DNAJC13: variants seen among roughly 807,000 people sequenced by gnomAD.
DNAJC13 encodes dnaJ homolog subfamily C member 13.
Under a neutral mutation model 290.5 loss-of-function variants are expected in DNAJC13, and 75 were observed. The ratio of observed to expected loss-of-function variants is 0.26; its 90% confidence interval spans 0.21 to 0.31. The LOEUF is 0.31. DNAJC13 is among the 10% of genes least tolerant of loss of function. The pLI is 1.00. For synonymous variants in DNAJC13, 862 were observed against 892.0 expected (o/e 0.97, Z 0.60); for missense variants, 2,260 against 2,674.5 (o/e 0.85, Z 3.42).
At chr3:132,458,592 A>G (rs1246154378) in intron 13 of DNAJC13, among the ~76,000 whole-genome samples, 1 of 152,136 alleles carries the variant, frequency 6.6e-6, no homozygotes, top group East Asian at 1.9e-4. Flanking sequence ...CCTGTCTGCA[A>G]GGGTTTTAGG....
chr3:132,499,352 C>A (rs2088712), intron 37 of DNAJC13, 42 bp downstream of exon 37: 1 of 1,495,148 alleles, frequency 6.7e-7, no homozygotes, highest in South Asian at 1.3e-5. Flanking sequence ...CCAGTTTACA[C>A]ACATTATATG....
intron 35 of DNAJC13, 64 bp from the exon 36 acceptor site, chr3:132,496,464 T>C (rs984075038): frequency 2.8e-6 from 4 of 1,409,214 alleles, no homozygotes; most frequent in African/African-American, 2.9e-5. Context: ...AAACCATATG[T>C]CTTGTTTAAG....
chr3:132,502,615 C>G, intron 40 of DNAJC13, 147 bp downstream of exon 40: 2 of 677,500 alleles, frequency 3.0e-6, no homozygotes, highest in Non-Finnish European at 4.5e-6. Context: ...AACCTAATCA[C>G]TTACTTACAA....
intron 1 of DNAJC13, among the ~76,000 whole-genome samples, chr3:132,429,779 C>A (rs925470015): frequency 2.0e-5 from 3 of 152,108 alleles, no homozygotes; most frequent in Non-Finnish European, 4.4e-5. Flanking sequence ...CCCTCCCTTA[C>A]CTCTCAGATA....
chr3:132,424,176 A>G (rs1311598854), intron 1 of DNAJC13, among the ~76,000 whole-genome samples: 3 of 152,188 alleles, frequency 2.0e-5, no homozygotes, highest in Non-Finnish European at 4.4e-5. Context: ...GTTTCTGGAA[A>G]GAAAGCTTTC....
Position 132,502,417 on chromosome 3 carries a change from C to T in DNAJC13, c.4665C>T (p.Asp1555=), listed in dbSNP as rs145557412. ...WYLLGFLFNY[D]YTLEESGIQK... is the part of the protein sequence containing the mutation. Reference sequence around the variant, plus strand: ...TCCTTGGTTTTCTGTTTAATTATGACTACACACTAGAAGAGAGTGGCATTC... The same window carrying T: ...TCCTTGGTTTTCTGTTTAATTATGATTACACACTAGAAGAGAGTGGCATTC... Residue 1555 remains aspartate, a synonymous_variant, in exon 40 of 56, where the codon GAC becomes GAT. Transcript: ENST00000260818. The T allele has an allele frequency of 5.9e-5, 96 of 1,613,954 alleles. No individual in the cohort carries two copies. In the African/African-American group the frequency reaches 1.0e-3, roughly 17 times the overall value.
chr3:132,517,283 G>A (rs1443492791), intron 48 of DNAJC13, among the ~76,000 whole-genome samples: 3 of 152,176 alleles, frequency 2.0e-5, no homozygotes, highest in African/African-American at 7.2e-5. Context: ...ACTCTGCAGG[G>A]AGATCTTTTA....
intron 35 of DNAJC13, among the ~76,000 whole-genome samples, chr3:132,495,960 A>G (rs577722656): frequency 7.2e-5 from 11 of 152,280 alleles, no homozygotes; most frequent in Admixed American, 6.5e-4. Context: ...TAAAGCTACA[A>G]TAGTAAAACA....
At chr3:132,467,567 G>C (rs1035470416) in intron 20 of DNAJC13, among the ~76,000 whole-genome samples, 1 of 152,048 alleles carries the variant, frequency 6.6e-6, no homozygotes, top group African/African-American at 2.4e-5. Context: ...CTGGGTTCAC[G>C]CCATTCTCCT....
chr3:132,470,655 C>T (rs1340028347), intron 20 of DNAJC13, among the ~76,000 whole-genome samples: 191 of 135,088 alleles, frequency 1.4e-3, no homozygotes, highest in African/African-American at 4.8e-3. Flanking sequence ...GGCGGCTGGC[C>T]GGGCGGGGGG....
chr3:132,419,393 A>G (rs1241712413), intron 1 of DNAJC13, among the ~76,000 whole-genome samples: 1 of 92,100 alleles, frequency 1.1e-5, no homozygotes, highest in Non-Finnish European at 1.9e-5. Flanking sequence ...TACTTAAGCT[A>G]AAAAATAAAA....
chr3:132,454,200 G>T, intron 9 of DNAJC13, 43 bp downstream of exon 9: 2 of 1,395,850 alleles, frequency 1.4e-6, no homozygotes, highest in South Asian at 1.3e-5. Flanking sequence ...AGTTGTGCAA[G>T]GCAAAGTGCT....
chr3:132,524,546 C>T (rs1179102026), intron 51 of DNAJC13, among the ~76,000 whole-genome samples: 1 of 152,212 alleles, frequency 6.6e-6, no homozygotes, highest in African/African-American at 2.4e-5. Context: ...AACATAATGT[C>T]TGGCACATTT....
Position 132,447,829 on chromosome 3 carries a change from A to C in DNAJC13, c.295-69A>C, listed in dbSNP as rs1264435208. 7 of 1,246,996 alleles carry C rather than the reference A, an allele frequency of 5.6e-6. No homozygotes were observed. In the African/African-American group the frequency reaches 1.0e-4, roughly 19 times the overall value. 77.2% of individuals were successfully genotyped at this position (1,246,996 alleles called of 1,614,324 possible). ...AGTCAGGATTTTACTTGCTTTGAGT[A>C]GAAGGGAGTGAGCCAAGTTTTCCTT... On this transcript the variant is annotated intron_variant, in intron 4 of 55. Transcript: ENST00000260818.
At chr3:132,521,266 T>G (rs1256634002) in intron 48 of DNAJC13, among the ~76,000 whole-genome samples, 1 of 151,330 alleles carries the variant, frequency 6.6e-6, no homozygotes, top group African/African-American at 2.4e-5. Flanking sequence ...AGGTTAGAAG[T>G]TAGCCAAGCA....
chr3:132,419,376 A>T (rs554354782), intron 1 of DNAJC13, among the ~76,000 whole-genome samples: 1 of 143,478 alleles, frequency 7.0e-6, no homozygotes, highest in East Asian at 2.1e-4. Context: ...CTTAGTTGTA[A>T]ACAAAATACT....
At chr3:132,533,771 T>C (rs1345348369) in intron 55 of DNAJC13, among the ~76,000 whole-genome samples, 1 of 152,246 alleles carries the variant, frequency 6.6e-6, no homozygotes, top group East Asian at 1.9e-4. Context: ...TCTATCATTC[T>C]TTGACTTAAC....
chr3:132,538,337 C>T lies in DNAJC13; in HGVS notation c.*55C>T. ...AGGCCAGTGCCAAGTCCACATTCCT[C>T]CAGCTGATACGTTGAAGCAAACTCT... is the stretch of plus-strand genomic sequence containing the variant. On this transcript the variant is annotated 3_prime_UTR_variant, in exon 56 of 56. Transcript: ENST00000260818. The T allele has an allele frequency of 1.4e-6, 2 of 1,411,714 alleles. No homozygotes were observed. Among genetic ancestry groups the T allele is most frequent in the Non-Finnish European group, 9.9e-7 (1 of 1,008,018 alleles). The allele number at this position is 1,411,714 out of a possible 1,614,324, so 87.4% of individuals were successfully genotyped here.
intron 12 of DNAJC13, 143 bp downstream of exon 12, chr3:132,456,975 AAAAG>A: frequency 9.9e-7 from 1 of 1,005,208 alleles, no homozygotes; most frequent in South Asian, 1.8e-5. Context: ...TGAGAAATGA[AAAAG>A]GAAGGTGAGG....
Sources: allele counts gnomAD v4.1 joint callset (sites outside exome capture counted in the v4.1 genomes callset), GRCh38; gene constraint gnomAD v4.1.1; transcripts MANE v1.5; gene names NCBI Gene and HGNC (gene_info 2026-07-23, HGNC 2026-07-21).